Variants in RGS6 observed in about 807,000 individuals in gnomAD.
RGS6 encodes regulator of G-protein signaling 6.
A neutral mutation model predicts 78.5 loss-of-function variants in RGS6; 30 were observed. The ratio of observed to expected loss-of-function variants is 0.38; its 90% CI spans 0.29 to 0.52. The LOEUF (loss-of-function observed/expected upper bound fraction) is 0.52, where lower values mean the gene tolerates loss of function less well. Ranked by LOEUF, RGS6 falls within the 20% of genes least tolerant of loss-of-function variation. The pLI is 0.85. For missense variants in RGS6, 495 were observed against 609.7 expected (o/e 0.81, Z 1.98); for synonymous variants, 206 against 206.0 (o/e 1.00, Z 0.00).
intron 3 of RGS6, among the ~76,000 whole-genome samples, chr14:72,403,630 C>A (rs771717713): frequency 1.3e-5 from 2 of 152,170 alleles, no homozygotes; most frequent in African/African-American, 4.8e-5. Context: ...ATTGAAAACT[C>A]TTTGAGGTGA....
intron 1 of RGS6, among the ~76,000 whole-genome samples, chr14:71,936,843 C>T (rs2152940256): frequency 6.6e-6 from 1 of 152,326 alleles, no homozygotes; most frequent in South Asian, 2.1e-4. Flanking sequence ...GTTTCTGCAG[C>T]TGGTCACATG....
intron 2 of RGS6, among the ~76,000 whole-genome samples, chr14:72,324,576 A>T (rs963181129): frequency 7.4e-5 from 11 of 147,924 alleles, no homozygotes; most frequent in Admixed American, 2.7e-4. Flanking sequence ...TCATTGTTCA[A>T]TTCCCACCTA....
intron 2 of RGS6, among the ~76,000 whole-genome samples, chr14:72,175,715 C>T (rs752317000): frequency 4.6e-5 from 7 of 152,114 alleles, no homozygotes; most frequent in South Asian, 2.1e-4. Context: ...GTGGGGACTG[C>T]GTTGAGTGTC....
intron 17 of RGS6, among the ~76,000 whole-genome samples, chr14:72,555,082 G>A (rs575589590): frequency 4.1e-4 from 63 of 152,328 alleles, no homozygotes; most frequent in African/African-American, 1.3e-3. Context: ...TGGGCACCCC[G>A]AATTAGGCAC....
At chr14:72,335,482 C>A (rs1004642717) in intron 2 of RGS6, among the ~76,000 whole-genome samples, 1 of 152,142 alleles carries the variant, frequency 6.6e-6, no homozygotes, top group Admixed American at 6.5e-5. Context: ...AAAAGTGACT[C>A]CCAGGGACAG....
chr14:72,136,775 T>C (rs572835085), intron 2 of RGS6, among the ~76,000 whole-genome samples: 5 of 152,322 alleles, frequency 3.3e-5, no homozygotes, highest in East Asian at 3.9e-4. Context: ...ATTGAGCTTT[T>C]TTAGGGAAGT....
intron 3 of RGS6, 53 bp downstream of exon 3, chr14:72,352,247 T>C (rs1596147652): frequency 1.5e-6 from 2 of 1,375,372 alleles, no homozygotes; most frequent in Non-Finnish European, 2.1e-6. Flanking sequence ...CAAAGAGTTA[T>C]AAGTCTAGAT....
At chr14:72,326,353 G>C (rs908351197) in intron 2 of RGS6, among the ~76,000 whole-genome samples, 1 of 152,168 alleles carries the variant, frequency 6.6e-6, no homozygotes, top group Non-Finnish European at 1.5e-5. Flanking sequence ...TGCCCTGAAA[G>C]TATACTGATA....
intron 2 of RGS6, among the ~76,000 whole-genome samples, chr14:72,309,300 A>G (rs929636583): frequency 4.6e-5 from 7 of 152,364 alleles, no homozygotes; most frequent in African/African-American, 1.7e-4. Context: ...AAGCCAAAGT[A>G]GGAAGAAAGT....
chr14:71,898,919 A>ATAAG, the RGS6 span, among the ~76,000 whole-genome samples: 3 of 152,264 alleles, frequency 2.0e-5, no homozygotes, highest in East Asian at 3.9e-4. Context: ...GTACACTTTT[A>ATAAG]TAAGTTAGAA....
intron 2 of RGS6, among the ~76,000 whole-genome samples, chr14:72,294,760 C>T (rs2064352783): frequency 6.6e-6 from 1 of 152,090 alleles, no homozygotes; most frequent in Middle Eastern, 3.4e-3. Flanking sequence ...CTCGTGAGAA[C>T]TCTATCATGA....
intron 2 of RGS6, among the ~76,000 whole-genome samples, chr14:71,984,168 C>T (rs1422190338): frequency 1.3e-5 from 2 of 151,932 alleles, no homozygotes; most frequent in South Asian, 2.1e-4. Context: ...GGTATTCACC[C>T]TATATTACAG....
At chr14:72,427,769 C>T (rs1209098724) in intron 3 of RGS6, among the ~76,000 whole-genome samples, 1 of 152,216 alleles carries the variant, frequency 6.6e-6, no homozygotes, top group Non-Finnish European at 1.5e-5. Context: ...GTTAGCTTCT[C>T]AGTTCCCTGT....
the RGS6 span, among the ~76,000 whole-genome samples, chr14:72,612,809 G>A: frequency 6.6e-5 from 10 of 152,320 alleles, no homozygotes; most frequent in South Asian, 8.3e-4. Context: ...GAGAGAGGTC[G>A]CGGAGCCAGT....
intron 2 of RGS6, among the ~76,000 whole-genome samples, chr14:71,981,279 G>T (rs954269795): frequency 6.6e-6 from 1 of 152,124 alleles, no homozygotes; most frequent in Admixed American, 6.6e-5. Context: ...GTCATTCTCC[G>T]TCCAGCTTTG....
At chr14:71,971,650 C>G (rs1313722067) in intron 2 of RGS6, among the ~76,000 whole-genome samples, 2 of 152,178 alleles carry the variant, frequency 1.3e-5, no homozygotes. Context: ...AATCCAAGTG[C>G]AGATTCCGTG....
chr14:71,890,157 T>A, the RGS6 span, among the ~76,000 whole-genome samples: 9 of 152,172 alleles, frequency 5.9e-5, no homozygotes, highest in African/African-American at 1.9e-4. Context: ...TTTACAGCGA[T>A]GTGTGAACAG....
intron 12 of RGS6, among the ~76,000 whole-genome samples, chr14:72,484,684 C>T (rs2096454999): frequency 6.6e-6 from 1 of 152,072 alleles, no homozygotes; most frequent in Admixed American, 6.5e-5. Flanking sequence ...TTCATTATTT[C>T]CTTCCCCTCC....
the RGS6 span, among the ~76,000 whole-genome samples, chr14:71,881,775 G>A: frequency 6.6e-6 from 1 of 152,168 alleles, no homozygotes. Context: ...CTGACACAAT[G>A]TAGGAGACAA....
Sources: gnomAD v4.1 joint callset for allele counts (sites outside exome capture counted in the v4.1 genomes callset) on GRCh38, gnomAD v4.1.1 for gene constraint, MANE v1.5 for transcripts, NCBI Gene and HGNC (gene_info 2026-07-23, HGNC 2026-07-21) for gene names.